The following CD9 variants were observed in gnomAD, a reference collection of about 807,000 sequenced individuals.
CD9 encodes CD9 antigen.
Under a neutral mutation model 31.4 loss-of-function variants are expected in CD9, and 10 were observed. The observed-to-expected ratio is 0.32, with a 90% CI of 0.20 to 0.54. CD9 has a LOEUF of 0.54. Ranked by LOEUF, CD9 falls within the 20% of genes least tolerant of loss-of-function variation. The pLI is 0.94. For missense variants in CD9, 259 were observed against 300.1 expected (o/e 0.86, Z 1.01); for synonymous variants, 113 against 114.1 (o/e 0.99, Z 0.06).
At position 6,232,600 on chromosome 12, in the gene CD9, C is replaced by T. The variant is rs750602405; in HGVS notation, c.176-32C>T. On this transcript the variant is annotated intron_variant, in intron 2 of 7. Transcript: ENST00000009180. The surrounding 1 kb of genome is among the most constrained non-coding windows in gnomAD (Gnocchi z 4.8). ...GCCTGGGCCTCTGAACTGATGTCTC[C>T]ACGCGTGTGTGCTTCCTCTGTCCTC... The T allele has an allele frequency of 7.2e-7, 1 of 1,390,444 alleles. No individual in the cohort carries two copies. Among genetic ancestry groups the T allele is most frequent in the Non-Finnish European group, 1.0e-6 (1 of 1,004,998 alleles). The allele number at this position is 1,390,444 out of a possible 1,614,324, so 86.1% of individuals were successfully genotyped here.
intron 3 of CD9, chr12:6,233,189 C>CT: frequency 1.6e-6 from 1 of 643,008 alleles, no homozygotes; most frequent in Non-Finnish European, 2.8e-6. Flanking sequence ...GTGCTCAGCT[C>CT]TTTCCTCATG....
intron 1 of CD9, among the ~76,000 whole-genome samples, chr12:6,208,590 A>G (rs1326431160): frequency 1.3e-5 from 2 of 149,666 alleles, no homozygotes; most frequent in Non-Finnish European, 3.0e-5. Context: ...TTTTTTTTTG[A>G]GGTGGAGTTT....
At chr12:6,217,310 T>C (rs374717039) in intron 1 of CD9, among the ~76,000 whole-genome samples, 4 of 151,638 alleles carry the variant, frequency 2.6e-5, no homozygotes, top group African/African-American at 9.7e-5. Flanking sequence ...TTGCTTGAGC[T>C]CAGGAGTTCA....
chr12:6,203,191 T>C (rs572594530), intron 1 of CD9, among the ~76,000 whole-genome samples: 5 of 152,238 alleles, frequency 3.3e-5, no homozygotes, highest in African/African-American at 9.6e-5. Context: ...AGGTGACTTA[T>C]CCAAGGTGAT....
intron 4 of CD9, 134 bp downstream of exon 4, chr12:6,233,620 T>A: frequency 1.4e-6 from 1 of 696,602 alleles, no homozygotes; most frequent in South Asian, 1.7e-5. Context: ...ATCGCGTCCC[T>A]GTGTGCCAGC....
At chr12:6,211,099 G>A (rs1946189795) in intron 1 of CD9, among the ~76,000 whole-genome samples, 1 of 152,102 alleles carries the variant, frequency 6.6e-6, no homozygotes, top group Non-Finnish European at 1.5e-5. Context: ...GCCTCCCAAA[G>A]TGCTGGGATT....
At position 6,238,031 on chromosome 12, in the gene CD9, C is replaced by T. The variant is rs746749848; in HGVS notation, c.*203C>T. 15 of 469,104 alleles carry T rather than the reference C, an allele frequency of 3.2e-5. No individual in the cohort carries two copies. The highest frequency in any genetic ancestry group is 1.2e-3 in the Middle Eastern group (2 of 1,716). The allele number at this position is 469,104 out of a possible 1,614,324, so 29.1% of individuals were successfully genotyped here. On this transcript the variant is annotated 3_prime_UTR_variant, in exon 8 of 8. Coordinates refer to ENST00000009180, the MANE Select transcript of CD9 (RefSeq NM_001769.4). ...TTCAATATTGACATTTGTAGTTGAGCGGGGGGTTTGGTTTGCTTTGGTTTA... is the reference window on the plus strand; with the variant it reads ...TTCAATATTGACATTTGTAGTTGAGTGGGGGGTTTGGTTTGCTTTGGTTTA...
chr12:6,226,618 T>C (rs1238369990), intron 2 of CD9, among the ~76,000 whole-genome samples: 1 of 152,228 alleles, frequency 6.6e-6, no homozygotes, highest in African/African-American at 2.4e-5. Flanking sequence ...TTTGGTTGCG[T>C]AACATTTGAG....
At chr12:6,220,470 G>A (rs189016558) in intron 1 of CD9, among the ~76,000 whole-genome samples, 180 of 152,324 alleles carry the variant, frequency 1.2e-3, no homozygotes, top group Non-Finnish European at 1.3e-4. Flanking sequence ...TAAGACGCCA[G>A]CTCAGGGGTG....
chr12:6,211,628 A>G (rs1946195292), intron 1 of CD9, among the ~76,000 whole-genome samples: 1 of 152,218 alleles, frequency 6.6e-6, no homozygotes, highest in African/African-American at 2.4e-5. Flanking sequence ...GAGTGTGTGC[A>G]GTCATCGCCA....
rs183059748 is a variant in CD9, at chr12:6,214,505, C to G, written c.67-10921C>G. ...GGAACTACAGGCGTGTGCCACCATTCCCAGCTAAGTTTTTGTATTTTTTAG... is the reference window on the plus strand; with the variant it reads ...GGAACTACAGGCGTGTGCCACCATTGCCAGCTAAGTTTTTGTATTTTTTAG... On this transcript the variant is annotated intron_variant, in intron 1 of 7. Transcript: ENST00000009180. Among the ~76,000 whole-genome samples, 135 of 151,906 alleles carry G rather than the reference C, an allele frequency of 8.9e-4. 1 individual carries two copies. Among genetic ancestry groups the G allele is most frequent in the Non-Finnish European group, 1.7e-3 (114 of 67,942 alleles).
chr12:6,221,083 C>T (rs534846327), intron 1 of CD9, among the ~76,000 whole-genome samples: 19 of 152,246 alleles, frequency 1.2e-4, no homozygotes, highest in African/African-American at 4.3e-4. Context: ...AGACTGTGCT[C>T]AGTTGAGGTT....
intron 1 of CD9, among the ~76,000 whole-genome samples, chr12:6,207,086 C>T (rs751513068): frequency 1.7e-4 from 26 of 152,012 alleles, no homozygotes; most frequent in South Asian, 4.2e-4. Context: ...CTCTCTATGT[C>T]GCCCAAGCTG....
At chr12:6,206,241 G>A (rs1946130581) in intron 1 of CD9, among the ~76,000 whole-genome samples, 1 of 150,918 alleles carries the variant, frequency 6.6e-6, no homozygotes, top group Non-Finnish European at 1.5e-5. Flanking sequence ...TTTGGAGACG[G>A]TGCTCACTCT....
At chr12:6,237,582 G>C (rs1014569688) in intron 7 of CD9, among the ~76,000 whole-genome samples, 181 bp from the exon 8 acceptor site, 1 of 152,130 alleles carries the variant, frequency 6.6e-6, no homozygotes, top group African/African-American at 2.4e-5. Flanking sequence ...CTCACGTCCC[G>C]CACCCTTCTC....
intron 1 of CD9, among the ~76,000 whole-genome samples, chr12:6,211,862 TGGGC>T (rs1423006927): frequency 1.1e-4 from 17 of 152,150 alleles, no homozygotes; most frequent in African/African-American, 4.1e-4. Context: ...GAGGTTACCT[TGGGC>T]TGGGGCCTCC....
intron 1 of CD9, among the ~76,000 whole-genome samples, chr12:6,211,195 C>T (rs1286254603): frequency 6.6e-6 from 1 of 152,134 alleles, no homozygotes; most frequent in Non-Finnish European, 1.5e-5. Context: ...ACAATATTAC[C>T]TCTTTGGTGG....
intron 2 of CD9, among the ~76,000 whole-genome samples, chr12:6,228,413 G>A (rs1484640315): frequency 1.3e-5 from 2 of 151,898 alleles, no homozygotes; most frequent in Non-Finnish European, 2.9e-5. Flanking sequence ...TTAGCTGGGC[G>A]TAGTGGCGTG....
At chr12:6,230,792 G>A (rs1946433842) in intron 2 of CD9, among the ~76,000 whole-genome samples, 2 of 152,240 alleles carry the variant, frequency 1.3e-5, no homozygotes, top group African/African-American at 4.8e-5. Context: ...AGCTACATTT[G>A]TCCCCTTGCC....
Sources: allele counts gnomAD v4.1 joint callset (sites outside exome capture counted in the v4.1 genomes callset), GRCh38; gene constraint gnomAD v4.1.1; non-coding constraint Gnocchi (gnomAD v3.1); transcripts MANE v1.5; gene names NCBI Gene and HGNC (gene_info 2026-07-23, HGNC 2026-07-21).